The following SLC23A1 variants were observed in gnomAD, a reference collection of about 807,000 sequenced individuals.
The protein encoded by SLC23A1 is solute carrier family 23 member 1, also known as Na(+)/L-ascorbic acid transporter 1.
In SLC23A1, 31 loss-of-function variants were observed where a neutral mutation model predicts 62.5. That is an observed-to-expected ratio of 0.50 (90% CI 0.37 to 0.67). SLC23A1 has a LOEUF of 0.67. Ranked by LOEUF, SLC23A1 falls within the 30% of genes least tolerant of loss-of-function variation. SLC23A1 has a pLI of 0.00. For missense variants in SLC23A1, 640 were observed against 782.7 expected (o/e 0.82, Z 2.18); for synonymous variants, 271 against 313.2 (o/e 0.87, Z 1.42).
At chr5:139,384,587 C>T, upstream of SLC23A1, 2 of 1,275,140 alleles carry the variant, frequency 1.6e-6, no homozygotes, top group South Asian at 2.6e-5. Flanking sequence ...CTTTTCTCTC[C>T]AACTTCTCCT....
intron 13 of SLC23A1, among the ~76,000 whole-genome samples, chr5:139,372,668 T>G (rs1241698767): frequency 6.6e-6 from 1 of 152,138 alleles, no homozygotes; most frequent in Non-Finnish European, 1.5e-5. Flanking sequence ...CACTGCCACC[T>G]CCTCCTCCCG....
chr5:139,377,599 CCCTGTCTCAAA>C, intron 12 of SLC23A1, 102 bp from the exon 13 acceptor site: 2 of 719,234 alleles, frequency 2.8e-6, no homozygotes, highest in Non-Finnish European at 5.0e-6. Context: ...CAGTACAAAG[CCCTGTCTCAAA>C]CCTATCTCTG....
chr5:139,378,773 G>T lies in SLC23A1; in HGVS notation c.1074-89C>A. 3 of 956,140 alleles carry T rather than the reference G, an allele frequency of 3.1e-6. No individual in the cohort carries two copies. In the Admixed American group the frequency reaches 6.1e-5, roughly 19 times the overall value. 59.2% of individuals were successfully genotyped at this position (956,140 alleles called of 1,614,324 possible). A position where few individuals can be genotyped will look rare whatever the true frequency, so the allele number is the denominator to read the frequency against. Reference sequence around the variant, plus strand: ...TCTTAGCAAGCTGCCGTCCTCTGGGGCTGTGGGGGCTGCAGCTATCAGCTG... The same window carrying T: ...TCTTAGCAAGCTGCCGTCCTCTGGGTCTGTGGGGGCTGCAGCTATCAGCTG... On this transcript the variant is annotated intron_variant, in intron 9 of 14. Coordinates refer to ENST00000348729, the MANE Select transcript of SLC23A1 (RefSeq NM_005847.5). This position sits in a 1 kb window ranked among gnomAD's most constrained non-coding sequence, Gnocchi z 4.5.
At chr5:139,381,854 G>T in intron 3 of SLC23A1, 38 bp downstream of exon 3, 1 of 1,510,092 alleles carries the variant, frequency 6.6e-7, no homozygotes, top group Non-Finnish European at 9.0e-7. Context: ...CACAGTGGAG[G>T]GGTGGCGGGG....
At chr5:139,371,413 G>C (rs1198248304) in intron 14 of SLC23A1, among the ~76,000 whole-genome samples, 1 of 152,198 alleles carries the variant, frequency 6.6e-6, no homozygotes, top group Non-Finnish European at 1.5e-5. Context: ...GTGATGGAAG[G>C]TTTCCGAGCA....
chr5:139,369,658 A>G (rs1255048009), intron 14 of SLC23A1: 2 of 152,642 alleles, frequency 1.3e-5, no homozygotes, highest in Admixed American at 6.5e-5. Context: ...AGTTGAAAAT[A>G]TTGTAAAAAA....
Position 139,379,634 on chromosome 5 carries a change from G to T in SLC23A1, c.925+44C>A, listed in dbSNP as rs769366506. The T allele has an allele frequency of 6.4e-6, 10 of 1,554,398 alleles. No individual in the cohort carries two copies. The South Asian group carries it at 8.0e-5, about 12-fold the overall frequency. On this transcript the variant is annotated intron_variant, in intron 8 of 14. Transcript: ENST00000348729. This position sits in a 1 kb window ranked among gnomAD's most constrained non-coding sequence, Gnocchi z 4.7. ...GGGTCACCAGGAGTCTGTCTCATAG[G>T]TGGTCTCAGTTGGGGGCAGAGGGGC...
intron 14 of SLC23A1, among the ~76,000 whole-genome samples, chr5:139,368,089 A>G (rs986591439): frequency 5.3e-5 from 8 of 152,330 alleles, no homozygotes; most frequent in African/African-American, 1.9e-4. Context: ...TAATCCCAGC[A>G]CTTTGGGAGG....
At chr5:139,380,964 G>T (rs375794630) in intron 3 of SLC23A1, 78 bp from the exon 4 acceptor site, 5 of 730,990 alleles carry the variant, frequency 6.8e-6, no homozygotes, top group Non-Finnish European at 1.2e-5. Flanking sequence ...GAGAGATCAG[G>T]AAGGGAGAGC....
chr5:139,372,184 C>G lies in SLC23A1; in HGVS notation c.1619G>C (p.Ser540Thr). The change falls in exon 14 of 15, where the codon AGC becomes ACC. Residue 540 changes from serine to threonine, a missense_variant. Transcript: ENST00000348729. ...GAHANSDMSS[S>T]LKSYDFPIGM... Reference sequence around the variant, plus strand: ...AATGGGGAAATCGTAGCTCTTGAGGCTGGAAGACATGTCACTGTTGGCATG... The same window carrying G: ...AATGGGGAAATCGTAGCTCTTGAGGGTGGAAGACATGTCACTGTTGGCATG... 1 of 1,613,502 alleles carries G rather than the reference C, an allele frequency of 6.2e-7. No homozygotes were observed. Among genetic ancestry groups the G allele is most frequent in the Non-Finnish European group, 8.5e-7 (1 of 1,179,396 alleles).
At chr5:139,370,572 CA>C (rs1369723398) in intron 14 of SLC23A1, among the ~76,000 whole-genome samples, 1 of 151,696 alleles carries the variant, frequency 6.6e-6, no homozygotes, top group Non-Finnish European at 1.5e-5. Flanking sequence ...CAGTTCAATG[CA>C]ACCTCTGCCT....
At chr5:139,380,747 G>C in intron 4 of SLC23A1, 51 bp downstream of exon 4, 1 of 1,471,788 alleles carries the variant, frequency 6.8e-7, no homozygotes, top group Non-Finnish European at 9.5e-7. Context: ...CAGACCTCCA[G>C]GTCTCTGGGC....
At chr5:139,385,442 G>C (rs928774789), upstream of SLC23A1, among the ~76,000 whole-genome samples, 1 of 152,172 alleles carries the variant, frequency 6.6e-6, no homozygotes. Context: ...GTCAAAGGCA[G>C]AGTGTGGAAA....
At chr5:139,383,525 G>A (rs1226722629), upstream of SLC23A1, among the ~76,000 whole-genome samples, 1 of 152,158 alleles carries the variant, frequency 6.6e-6, no homozygotes, top group Non-Finnish European at 1.5e-5. Flanking sequence ...CCCAAGAGAG[G>A]GCCAGAGTCG....
chr5:139,384,158 A>G (rs998596159), upstream of SLC23A1, among the ~76,000 whole-genome samples: 1 of 152,262 alleles, frequency 6.6e-6, no homozygotes, highest in East Asian at 1.9e-4. Context: ...CACCTAGCCC[A>G]GGAAGGCAGT....
At position 139,378,820 on chromosome 5, in the gene SLC23A1, A is replaced by G. The variant is rs1758084049; in HGVS notation, c.1074-136T>C. On this transcript the variant is annotated intron_variant, in intron 9 of 14. Coordinates refer to ENST00000348729, the MANE Select transcript of SLC23A1 (RefSeq NM_005847.5). This position sits in a 1 kb window ranked among gnomAD's most constrained non-coding sequence, Gnocchi z 4.5. Reference sequence around the variant, plus strand: ...GCTGTAGCACTCCCTACTACAGGCCAGAATGCTCAGGCTCCAGAGCTAGTC... The same window carrying G: ...GCTGTAGCACTCCCTACTACAGGCCGGAATGCTCAGGCTCCAGAGCTAGTC... 3 of 679,950 alleles carry G rather than the reference A, an allele frequency of 4.4e-6. No homozygotes were observed. The highest frequency in any genetic ancestry group is 7.7e-6 in the Non-Finnish European group (3 of 387,260). The allele number at this position is 679,950 out of a possible 1,614,324, so 42.1% of individuals were successfully genotyped here.
At chr5:139,368,650 G>T in intron 14 of SLC23A1, 1 of 885,834 alleles carries the variant, frequency 1.1e-6, no homozygotes, top group Non-Finnish European at 1.8e-6. Flanking sequence ...TTTTTTGGAA[G>T]ATGTTTTTGC....
intron 3 of SLC23A1, 127 bp from the exon 4 acceptor site, chr5:139,381,013 T>C (rs1377677538): frequency 1.7e-6 from 1 of 604,214 alleles, no homozygotes; most frequent in Non-Finnish European, 3.0e-6. Flanking sequence ...CAAGGGCAGA[T>C]GGAAATCGTT....
chr5:139,382,097 C>T (rs1298319606), intron 2 of SLC23A1, 48 bp from the exon 3 acceptor site: 1 of 1,560,514 alleles, frequency 6.4e-7, no homozygotes, highest in Admixed American at 1.9e-5. Flanking sequence ...CCCCAGAGCT[C>T]CAGGGAGAGG....
Sources: allele counts gnomAD v4.1 joint callset (sites outside exome capture counted in the v4.1 genomes callset), GRCh38; gene constraint gnomAD v4.1.1; non-coding constraint Gnocchi (gnomAD v3.1); transcripts MANE v1.5; gene names NCBI Gene and HGNC (gene_info 2026-07-23, HGNC 2026-07-21).